The following RBFOX1 variants were observed in gnomAD, a reference collection of about 807,000 sequenced individuals.
RBFOX1 encodes RNA binding protein fox-1 homolog 1.
RBFOX1 carries 8 observed loss-of-function variants against 57.7 expected under a neutral mutation model. That is an observed-to-expected ratio of 0.14 (90% CI 0.08 to 0.25). The LOEUF (loss-of-function observed/expected upper bound fraction) is 0.25, where lower values mean the gene tolerates loss of function less well. RBFOX1 is among the 10% of genes least tolerant of loss of function. The pLI is 1.00. For synonymous variants in RBFOX1, 326 were observed against 222.4 expected (o/e 1.47, Z -4.15); for missense variants, 611 against 548.5 (o/e 1.11, Z -1.14).
intron 3 of RBFOX1, among the ~76,000 whole-genome samples, chr16:6,668,417 G>C (rs749145873): frequency 7.2e-5 from 11 of 152,160 alleles, no homozygotes; most frequent in Admixed American, 2.0e-4. Context: ...CGTGTTGTGT[G>C]TTTCAGCCCA....
intron 1 of RBFOX1, among the ~76,000 whole-genome samples, chr16:6,299,890 G>C (rs1028851041): frequency 6.6e-6 from 1 of 152,086 alleles, no homozygotes. Flanking sequence ...CCACACCCTC[G>C]TTTTAACACA....
intron 3 of RBFOX1, among the ~76,000 whole-genome samples, chr16:5,839,186 C>G (rs1597446586): frequency 6.6e-6 from 1 of 152,142 alleles, no homozygotes; most frequent in Non-Finnish European, 1.5e-5. Context: ...AGAATTTATC[C>G]TTTGCACCAG....
chr16:6,598,796 A>C (rs1008130624), intron 2 of RBFOX1, among the ~76,000 whole-genome samples: 1 of 151,960 alleles, frequency 6.6e-6, no homozygotes, highest in Non-Finnish European at 1.5e-5. Flanking sequence ...AAATACAAAA[A>C]TTAGCTGGGC....
At chr16:6,349,974 C>T (rs1015667441) in intron 2 of RBFOX1, among the ~76,000 whole-genome samples, 1 of 152,100 alleles carries the variant, frequency 6.6e-6, no homozygotes, top group Non-Finnish European at 1.5e-5. Context: ...ATGTGCGTGT[C>T]TCTCCTTGGC....
At chr16:6,857,738 G>A (rs2058169507) in intron 3 of RBFOX1, among the ~76,000 whole-genome samples, 4 of 152,164 alleles carry the variant, frequency 2.6e-5, no homozygotes, top group African/African-American at 9.7e-5. Context: ...AATTGGGAGA[G>A]GCAGGGAGAG....
intron 4 of RBFOX1, among the ~76,000 whole-genome samples, chr16:7,409,512 G>T (rs879655257): frequency 2.0e-5 from 3 of 152,210 alleles, no homozygotes; most frequent in Non-Finnish European, 4.4e-5. Flanking sequence ...GAAAGCTGTT[G>T]CCAGTTGTTC....
At chr16:5,727,596 A>G (rs9922680) in intron 3 of RBFOX1, among the ~76,000 whole-genome samples, 8,320 of 152,240 alleles carry the variant, frequency 0.055, 596 homozygotes, top group African/African-American at 0.15. Context: ...TTATCTTTTA[A>G]CAAAGTTTGT....
intron 4 of RBFOX1, among the ~76,000 whole-genome samples, chr16:7,160,782 T>TTTCTCCCTCCTCCGCCTCCCCCTTTC (rs2078150655): frequency 6.8e-6 from 1 of 147,206 alleles, no homozygotes; most frequent in African/African-American, 2.5e-5. Context: ...CTCCCCCTTT[T>TTTCTCCCTCCTCCGCCTCCCCCTTTC]TTCTCCCTCC....
At chr16:6,281,364 C>A (rs866141426) in intron 1 of RBFOX1, among the ~76,000 whole-genome samples, 6 of 152,078 alleles carry the variant, frequency 3.9e-5, no homozygotes, top group African/African-American at 1.4e-4. Context: ...TGTTACTCTG[C>A]ATAGAAGTAG....
chr16:6,447,742 G>A (rs538818780), intron 2 of RBFOX1, among the ~76,000 whole-genome samples: 1 of 152,174 alleles, frequency 6.6e-6, no homozygotes, highest in Non-Finnish European at 1.5e-5. Flanking sequence ...AAATGCTGCT[G>A]AAGAGTTATG....
chr16:5,455,007 CTTTCTTTCTTTCT>C lies in RBFOX1; in HGVS notation c.220-12206_220-12194del, dbSNP rs2068582040. ...TCTTTCTTTCTTTCTTTCTTTCTTTCTTTCTTTCTTTCTTTCTCTCTCTCTGTCTGTCTCTCTT... is the reference window on the plus strand; with the variant it reads ...TCTTTCTTTCTTTCTTTCTTTCTTTCTTCTCTCTCTCTGTCTGTCTCTCTT... On this transcript the variant is annotated intron_variant, in intron 1 of 2. Coordinates refer to the RBFOX1 transcript ENST00000585867. 1.8e-5 allele frequency among the ~76,000 whole-genome samples: 2 copies of C among 109,328 alleles called. 1 individual carries two copies. The highest frequency in any genetic ancestry group is 6.5e-5 in the African/African-American group (2 of 30,882). 71.7% of individuals were successfully genotyped at this position (109,328 alleles called of 152,430 possible). A position where few individuals can be genotyped will look rare whatever the true frequency, so the allele number is the denominator to read the frequency against.
At chr16:6,780,562 TTATA>T (rs1239869688) in intron 3 of RBFOX1, among the ~76,000 whole-genome samples, 3 of 105,054 alleles carry the variant, frequency 2.9e-5, no homozygotes, top group African/African-American at 1.6e-4. Context: ...ATTTACATAT[TTATA>T]TATATTTATA....
chr16:6,907,059 G>C (rs2070194102), intron 3 of RBFOX1, among the ~76,000 whole-genome samples: 1 of 152,120 alleles, frequency 6.6e-6, no homozygotes, highest in African/African-American at 2.4e-5. Context: ...AATTGTTTAT[G>C]ATCTCCATGT....
At chr16:7,063,303 C>A (rs1309226349) in intron 4 of RBFOX1, among the ~76,000 whole-genome samples, 1 of 152,026 alleles carries the variant, frequency 6.6e-6, no homozygotes, top group African/African-American at 2.4e-5. Context: ...TTCCCCCCAA[C>A]CCCAGGGGAC....
intron 3 of RBFOX1, among the ~76,000 whole-genome samples, chr16:5,697,371 A>G (rs2050877193): frequency 6.6e-6 from 1 of 151,186 alleles, no homozygotes; most frequent in African/African-American, 2.4e-5. Flanking sequence ...AATATGAATA[A>G]TATGTAGCAT....
intron 1 of RBFOX1, among the ~76,000 whole-genome samples, chr16:6,075,008 C>T (rs1360030572): frequency 6.6e-6 from 1 of 152,052 alleles, no homozygotes; most frequent in Non-Finnish European, 1.5e-5. Flanking sequence ...TTTGTCAGTG[C>T]CCACCCTGAA....
intron 3 of RBFOX1, among the ~76,000 whole-genome samples, chr16:5,715,689 T>G (rs1175049816): frequency 6.6e-6 from 1 of 152,240 alleles, no homozygotes; most frequent in Non-Finnish European, 1.5e-5. Context: ...ATGATGAGTT[T>G]CTCAGGAAAG....
intron 2 of RBFOX1, among the ~76,000 whole-genome samples, chr16:6,412,759 G>C (rs111992880): frequency 1.4e-4 from 21 of 152,146 alleles, no homozygotes; most frequent in Admixed American, 3.9e-4. Context: ...AGTTGTCTCG[G>C]AACCATCTAA....
intron 3 of RBFOX1, among the ~76,000 whole-genome samples, chr16:6,778,567 T>C (rs1267299336): frequency 6.6e-6 from 1 of 152,150 alleles, no homozygotes; most frequent in East Asian, 1.9e-4. Context: ...ATCTTACATA[T>C]TTATAAAGTT....
Sources: gnomAD v4.1 joint callset for allele counts (sites outside exome capture counted in the v4.1 genomes callset) on GRCh38, gnomAD v4.1.1 for gene constraint, MANE v1.5 for transcripts, NCBI Gene and HGNC (gene_info 2026-07-23, HGNC 2026-07-21) for gene names.